SEM1: variants seen among roughly 807,000 people sequenced by gnomAD.
SEM1 encodes the protein 26S proteasome complex subunit SEM1.
SEM1 carries 3 observed loss-of-function variants against 12.7 expected under a neutral mutation model. The ratio of observed to expected loss-of-function variants is 0.24; its 90% CI spans 0.11 to 0.61. SEM1 has a LOEUF of 0.61. Among genes scored for constraint, SEM1 ranks in the 20% least tolerant of loss-of-function variants. The pLI, the probability that SEM1 is intolerant of heterozygous loss-of-function variation, is 0.88. For missense variants in SEM1, 59 were observed against 81.3 expected (o/e 0.73, Z 1.06); for synonymous variants, 30 against 27.8 (o/e 1.08, Z -0.25).
chr7:96,697,000 C>T (rs1478328489), intron 1 of SEM1: 1 of 151,774 alleles, frequency 6.6e-6, no homozygotes, highest in African/African-American at 2.4e-5. Context: ...CAATGATACC[C>T]ATGATATCTG....
At chr7:96,503,987 T>C (rs1485563960) in intron 3 of SEM1, among the ~76,000 whole-genome samples, 4 of 152,230 alleles carry the variant, frequency 2.6e-5, no homozygotes, top group African/African-American at 9.6e-5. Flanking sequence ...AACCCATGGG[T>C]ATAAATCCTT....
intron 2 of SEM1, among the ~76,000 whole-genome samples, chr7:96,609,445 G>A (rs1807478773): frequency 6.6e-6 from 1 of 152,032 alleles, no homozygotes; most frequent in Non-Finnish European, 1.5e-5. Context: ...TACTTCACTT[G>A]GATGTTAAAA....
chr7:96,545,394 A>G (rs899338022), intron 2 of SEM1, among the ~76,000 whole-genome samples: 1 of 152,072 alleles, frequency 6.6e-6, no homozygotes, highest in African/African-American at 2.4e-5. Flanking sequence ...AGGAATTGAG[A>G]GAAGCAGTTC....
At chr7:96,680,162 G>A (rs1035566350) in intron 2 of SEM1, among the ~76,000 whole-genome samples, 3 of 152,022 alleles carry the variant, frequency 2.0e-5, no homozygotes, top group African/African-American at 4.8e-5. Context: ...GTTCCCAGGT[G>A]GAACTGAAGT....
At chr7:96,632,293 T>C (rs1808286756) in intron 2 of SEM1, among the ~76,000 whole-genome samples, 1 of 152,112 alleles carries the variant, frequency 6.6e-6, no homozygotes, top group Admixed American at 6.5e-5. Flanking sequence ...AGCAAAGACT[T>C]GGAACCAAGC....
intron 2 of SEM1, among the ~76,000 whole-genome samples, chr7:96,597,939 T>C (rs927061114): frequency 2.0e-5 from 3 of 152,204 alleles, no homozygotes; most frequent in Non-Finnish European, 4.4e-5. Flanking sequence ...AAAGTCAATA[T>C]GCTCTGCATG....
chr7:96,693,782 GTGTGTGTGTA>G (rs1170393825), intron 2 of SEM1, among the ~76,000 whole-genome samples: 3 of 149,502 alleles, frequency 2.0e-5, no homozygotes, highest in African/African-American at 4.9e-5. Context: ...GTGTGTGTGT[GTGTGTGTGTA>G]TATATATATA....
chr7:96,500,764 C>G (rs183953941), upstream of SEM1, among the ~76,000 whole-genome samples: 2 of 152,138 alleles, frequency 1.3e-5, no homozygotes, highest in Admixed American at 6.6e-5. Context: ...AGCTTCTTCT[C>G]GTATCCTGTA....
intron 2 of SEM1, among the ~76,000 whole-genome samples, chr7:96,638,584 T>C (rs2116377319): frequency 6.6e-6 from 1 of 152,126 alleles, no homozygotes; most frequent in South Asian, 2.1e-4. Flanking sequence ...TCTAATATAT[T>C]TTCTATCTAG....
chr7:96,678,684 C>T (rs1789516910), intron 2 of SEM1, among the ~76,000 whole-genome samples: 1 of 152,084 alleles, frequency 6.6e-6, no homozygotes, highest in Non-Finnish European at 1.5e-5. Context: ...CATTTGACAT[C>T]ACTCATTTAA....
chr7:96,486,225 T>C, exon 2 of SEM1: 2 of 1,536,800 alleles, frequency 1.3e-6, no homozygotes, highest in Non-Finnish European at 1.7e-6. Context: ...GCTAACTCTG[T>C]TGTCGCTCTG....
intron 1 of SEM1, among the ~76,000 whole-genome samples, chr7:96,494,359 A>G (rs959106019): frequency 6.6e-6 from 1 of 152,194 alleles, no homozygotes; most frequent in Admixed American, 6.5e-5. Context: ...ACAGCATTCT[A>G]AGAAATTTGA....
chr7:96,520,638 C>T (rs543720073), intron 2 of SEM1, among the ~76,000 whole-genome samples: 95 of 152,160 alleles, frequency 6.2e-4, no homozygotes, highest in African/African-American at 2.2e-3. Flanking sequence ...GGAGAAGTTT[C>T]GGAAGAAAAT....
chr7:96,665,941 C>T (rs559360960), intron 2 of SEM1, among the ~76,000 whole-genome samples: 2 of 152,254 alleles, frequency 1.3e-5, no homozygotes, highest in African/African-American at 4.8e-5. Context: ...AAGTAACTTA[C>T]CTATGACCAC....
At chr7:96,485,779 A>T (rs994780732) in intron 2 of SEM1, among the ~76,000 whole-genome samples, 3 of 151,822 alleles carry the variant, frequency 2.0e-5, no homozygotes, top group African/African-American at 7.3e-5. Context: ...TGAACTTGTG[A>T]TCTGTCCACC....
At chr7:96,536,256 G>A (rs953135347) in intron 2 of SEM1, among the ~76,000 whole-genome samples, 6 of 151,392 alleles carry the variant, frequency 4.0e-5, no homozygotes, top group Non-Finnish European at 7.4e-5. Flanking sequence ...TTCTGTTACC[G>A]GTTTCTGGTT....
chr7:96,592,997 A>G (rs902693245), intron 2 of SEM1, among the ~76,000 whole-genome samples: 1 of 108,176 alleles, frequency 9.2e-6, no homozygotes, highest in Non-Finnish European at 1.9e-5. Flanking sequence ...ATTCTCCCAT[A>G]TTAAAAAAAA....
At chr7:96,554,932 G>A (rs1805430491) in intron 2 of SEM1, among the ~76,000 whole-genome samples, 1 of 130,518 alleles carries the variant, frequency 7.7e-6, no homozygotes, top group South Asian at 2.7e-4. Context: ...TTGGGAGAGT[G>A]CATGTGTCCA....
intron 2 of SEM1, among the ~76,000 whole-genome samples, chr7:96,593,330 G>T (rs1806892967): frequency 6.6e-6 from 1 of 152,134 alleles, no homozygotes; most frequent in African/African-American, 2.4e-5. Flanking sequence ...TTCTTAGGGG[G>T]TACTATGTTT....
Sources: gnomAD v4.1 joint callset for allele counts (sites outside exome capture counted in the v4.1 genomes callset) on GRCh38, gnomAD v4.1.1 for gene constraint, MANE v1.5 for transcripts, NCBI Gene and HGNC (gene_info 2026-07-23, HGNC 2026-07-21) for gene names.